AKAP6: variants seen among roughly 807,000 people sequenced by gnomAD.
AKAP6 encodes A-kinase anchor protein 6.
AKAP6 carries 58 observed loss-of-function variants against 188.5 expected under a neutral mutation model. The ratio of observed to expected loss-of-function variants is 0.31; its 90% CI spans 0.25 to 0.38. The LOEUF (loss-of-function observed/expected upper bound fraction) is 0.38, where lower values mean the gene tolerates loss of function less well. AKAP6 is among the 10% of genes least tolerant of loss of function. AKAP6 has a pLI of 1.00. For missense variants in AKAP6, 2,710 were observed against 2,740.0 expected (o/e 0.99, Z 0.24); for synonymous variants, 989 against 998.6 (o/e 0.99, Z 0.18).
intron 2 of AKAP6, among the ~76,000 whole-genome samples, chr14:32,492,470 C>A (rs1880090289): frequency 1.3e-5 from 2 of 149,342 alleles, no homozygotes; most frequent in African/African-American, 4.9e-5. Context: ...TTGTATTTTT[C>A]TTAAGTTCTC....
At chr14:32,782,673 C>G (rs113678181) in intron 12 of AKAP6, among the ~76,000 whole-genome samples, 2,751 of 152,082 alleles carry the variant, frequency 0.018, 80 homozygotes, top group African/African-American at 0.062. Flanking sequence ...ACATGAAATG[C>G]TTAGGGATGT....
intron 9 of AKAP6, among the ~76,000 whole-genome samples, chr14:32,714,678 CCTT>C (rs1404931104): frequency 6.6e-6 from 1 of 151,874 alleles, no homozygotes; most frequent in Non-Finnish European, 1.5e-5. Context: ...AATTTTTCTA[CCTT>C]CTTCTTTAGG....
At chr14:32,496,557 A>G (rs144498587) in intron 2 of AKAP6, among the ~76,000 whole-genome samples, 29 of 152,106 alleles carry the variant, frequency 1.9e-4, no homozygotes, top group African/African-American at 6.7e-4. Context: ...GAGAAGGGTC[A>G]TGGTCTGAGA....
At chr14:32,786,306 T>TTTTTTG (rs1555362338) in intron 12 of AKAP6, among the ~76,000 whole-genome samples, 10 of 90,208 alleles carry the variant, frequency 1.1e-4, no homozygotes, top group African/African-American at 2.8e-4. Context: ...ATCTTTTTTT[T>TTTTTTG]TTTTTTTTTT....
At chr14:32,524,515 C>T in intron 2 of AKAP6, among the ~76,000 whole-genome samples, 1 of 151,894 alleles carries the variant, frequency 6.6e-6, no homozygotes, top group Non-Finnish European at 1.5e-5. Context: ...GTGTGTGAGA[C>T]AGTCATTTGT....
At chr14:32,791,831 C>A (rs746449360) in intron 12 of AKAP6, among the ~76,000 whole-genome samples, 31 of 152,086 alleles carry the variant, frequency 2.0e-4, no homozygotes, top group Non-Finnish European at 3.8e-4. Flanking sequence ...TTTCAGTTTT[C>A]TGCTTATGGC....
intron 1 of AKAP6, among the ~76,000 whole-genome samples, chr14:32,424,625 T>C (rs1889968954): frequency 6.6e-6 from 1 of 152,164 alleles, no homozygotes; most frequent in African/African-American, 2.4e-5. Context: ...TATCCATTAG[T>C]TATTTTTCCT....
At chr14:32,434,150 T>A (rs1017327252) in intron 2 of AKAP6, among the ~76,000 whole-genome samples, 1 of 152,186 alleles carries the variant, frequency 6.6e-6, no homozygotes, top group Non-Finnish European at 1.5e-5. Flanking sequence ...AAGACTCTTA[T>A]AGGTAAAATA....
chr14:32,796,230 T>G (rs903402057), intron 12 of AKAP6, among the ~76,000 whole-genome samples: 14 of 152,324 alleles, frequency 9.2e-5, no homozygotes, highest in African/African-American at 3.4e-4. Context: ...TTTAATGCTA[T>G]TCTCATTAAA....
At chr14:32,378,501 G>A (rs2138541630) in intron 1 of AKAP6, among the ~76,000 whole-genome samples, 1 of 152,298 alleles carries the variant, frequency 6.6e-6, no homozygotes, top group Non-Finnish European at 1.5e-5. Flanking sequence ...TTCCTTTGAA[G>A]TCAGTGGGAG....
intron 4 of AKAP6, among the ~76,000 whole-genome samples, chr14:32,576,284 T>C (rs1304834943): frequency 6.6e-6 from 1 of 152,112 alleles, no homozygotes; most frequent in African/African-American, 2.4e-5. Flanking sequence ...GACCTCCAGG[T>C]GGTGCTGTTT....
At chr14:32,384,666 A>G (rs765950392) in intron 1 of AKAP6, among the ~76,000 whole-genome samples, 47 of 152,296 alleles carry the variant, frequency 3.1e-4, no homozygotes, top group South Asian at 1.0e-3. Context: ...CATTGGTTTA[A>G]TAGGAACTGG....
intron 1 of AKAP6, chr14:32,433,119 C>T (rs1890272722): frequency 4.9e-6 from 1 of 202,548 alleles, no homozygotes; most frequent in African/African-American, 2.3e-5. Flanking sequence ...CATGGCCACA[C>T]CTAGCTGCAA....
At chr14:32,466,981 T>A (rs1594644986) in intron 2 of AKAP6, among the ~76,000 whole-genome samples, 1 of 151,068 alleles carries the variant, frequency 6.6e-6, no homozygotes, top group East Asian at 1.9e-4. Context: ...AATAATGGTA[T>A]TGTGGTTGTA....
intron 9 of AKAP6, among the ~76,000 whole-genome samples, chr14:32,722,270 T>C (rs781477167): frequency 6.6e-6 from 1 of 152,096 alleles, no homozygotes; most frequent in Non-Finnish European, 1.5e-5. Context: ...TTTTGGAAAA[T>C]GGAATGCAAG....
At chr14:32,534,948 A>C (rs1882599115) in intron 2 of AKAP6, among the ~76,000 whole-genome samples, 1 of 149,836 alleles carries the variant, frequency 6.7e-6, no homozygotes, top group African/African-American at 2.5e-5. Flanking sequence ...CTATGTGACA[A>C]GAGTGAAACT....
chr14:32,786,296 A>ATGTTTTTTTTTGTTT, intron 12 of AKAP6, among the ~76,000 whole-genome samples: 3 of 93,706 alleles, frequency 3.2e-5, no homozygotes, highest in African/African-American at 8.2e-5. Context: ...CTAAACCTTT[A>ATGTTTTTTTTTGTTT]TCTTTTTTTT....
At chr14:32,558,251 C>T (rs1171050049) in intron 4 of AKAP6, among the ~76,000 whole-genome samples, 1 of 152,124 alleles carries the variant, frequency 6.6e-6, no homozygotes, top group African/African-American at 2.4e-5. Context: ...TGTAGAAACT[C>T]TGAATACTTT....
At chr14:32,627,367 G>C (rs1887066974) in intron 7 of AKAP6, among the ~76,000 whole-genome samples, 1 of 152,052 alleles carries the variant, frequency 6.6e-6, no homozygotes, top group South Asian at 2.1e-4. Flanking sequence ...AAAATTAGTG[G>C]AAATTAATCA....
Sources: gnomAD v4.1 joint callset for allele counts (sites outside exome capture counted in the v4.1 genomes callset) on GRCh38, gnomAD v4.1.1 for gene constraint, MANE v1.5 for transcripts, NCBI Gene and HGNC (gene_info 2026-07-23, HGNC 2026-07-21) for gene names.